Variants in DNAH11 observed in about 807,000 individuals in gnomAD.
DNAH11 encodes axonemal beta dynein heavy chain 11.
In DNAH11, 442 loss-of-function variants were observed where a neutral mutation model predicts 526.0. The observed-to-expected ratio is 0.84, with a 90% confidence interval of 0.78 to 0.91. The LOEUF (loss-of-function observed/expected upper bound fraction) is 0.91. Among genes scored for constraint, DNAH11 ranks in the 40% least tolerant of loss-of-function variants. The pLI is 0.00. For synonymous variants in DNAH11, 2,461 were observed against 1,935.9 expected (o/e 1.27, Z -7.12); for missense variants, 6,989 against 5,448.7 (o/e 1.28, Z -8.90).
In DNAH11 at chr7:21,601,616, G is replaced by A. The variant is rs201197846; in HGVS notation, c.3646G>A (p.Glu1216Lys). 500 of 1,570,618 alleles carry A rather than the reference G, an allele frequency of 3.2e-4. 1 individual carries two copies. The highest frequency in any genetic ancestry group is 4.2e-4 in the Non-Finnish European group (486 of 1,154,298). ...GCCTGAGCAGGTCTATATTCAGCTA[G>A]AGGTAAGTGCAGAGGTGAAATAATC... ...KMPEQVYIQLEELPERWETTK... is the reference protein window; with the variant it reads ...KMPEQVYIQLKELPERWETTK... Residue 1216 changes from glutamate to lysine, a missense_variant and splice_region_variant, in exon 18 of 82, where the codon GAG becomes AAG. Glu to Lys is a moderately conservative substitution (Grantham distance 56). Coordinates refer to ENST00000409508, the MANE Select transcript of DNAH11 (RefSeq NM_001277115.2).
At chr7:21,789,813 T>TTTC (rs1313342996) in intron 61 of DNAH11, among the ~76,000 whole-genome samples, 18 of 85,558 alleles carry the variant, frequency 2.1e-4, no homozygotes, top group African/African-American at 5.6e-4. Flanking sequence ...TTCTTTTTTC[T>TTTC]TTCTTTCTTT....
intron 28 of DNAH11, among the ~76,000 whole-genome samples, chr7:21,653,154 G>T (rs1781860506): frequency 6.6e-6 from 1 of 152,146 alleles, no homozygotes; most frequent in Non-Finnish European, 1.5e-5. Context: ...GGGATTACAG[G>T]TATGAGCCAC....
intron 54 of DNAH11, among the ~76,000 whole-genome samples, chr7:21,756,181 A>G (rs1272107141): frequency 6.6e-6 from 1 of 152,116 alleles, no homozygotes; most frequent in African/African-American, 2.4e-5. Context: ...TTAATTTATA[A>G]TATTTTTAAT....
At chr7:21,886,903 C>T (rs1784143684) in intron 76 of DNAH11, among the ~76,000 whole-genome samples, 1 of 152,188 alleles carries the variant, frequency 6.6e-6, no homozygotes, top group Non-Finnish European at 1.5e-5. Context: ...GGCATCCTCA[C>T]TGGAGAGGTA....
intron 45 of DNAH11, among the ~76,000 whole-genome samples, chr7:21,727,010 C>A (rs144628560): frequency 3.4e-5 from 4 of 117,050 alleles, no homozygotes; most frequent in Non-Finnish European, 4.9e-5. Context: ...CTCGGCTCAC[C>A]GCAAGATCCA....
At chr7:21,828,760 G>GT (rs370526200) in intron 65 of DNAH11, among the ~76,000 whole-genome samples, 14,835 of 131,646 alleles carry the variant, frequency 0.11, 914 homozygotes, top group Non-Finnish European at 0.15. Context: ...ATTTTTCTGG[G>GT]TTTTTTTTTT....
At chr7:21,705,725 C>T (rs927869733) in intron 39 of DNAH11, among the ~76,000 whole-genome samples, 188 bp downstream of exon 39, 11 of 151,888 alleles carry the variant, frequency 7.2e-5, no homozygotes, top group African/African-American at 1.9e-4. Flanking sequence ...ATTGGGTCAG[C>T]GGGGGGAGAA....
intron 68 of DNAH11, among the ~76,000 whole-genome samples, chr7:21,861,351 A>G (rs1783056306): frequency 6.6e-6 from 1 of 152,226 alleles, no homozygotes; most frequent in Non-Finnish European, 1.5e-5. Flanking sequence ...TTACGTGAAG[A>G]GAATCTGTAC....
At chr7:21,707,298 A>G (rs1473087795) in intron 39 of DNAH11, among the ~76,000 whole-genome samples, 1 of 152,212 alleles carries the variant, frequency 6.6e-6, no homozygotes, top group Non-Finnish European at 1.5e-5. Flanking sequence ...TCTGTATTTT[A>G]ATACCCTCCA....
Position 21,573,757 on chromosome 7 carries a change from A to G in DNAH11, c.1593+1784A>G, listed in dbSNP as rs1309545773. ...CTGCCCTTCCCCTCCCATTGCATTCACCCCCATGTTCCTGCTCCTGCCCCA... is the reference window on the plus strand; with the variant it reads ...CTGCCCTTCCCCTCCCATTGCATTCGCCCCCATGTTCCTGCTCCTGCCCCA... On this transcript the variant is annotated intron_variant, in intron 8 of 81. Coordinates refer to ENST00000409508, the MANE Select transcript of DNAH11 (RefSeq NM_001277115.2). Among the ~76,000 whole-genome samples, 3 of 151,554 alleles carry G rather than the reference A, an allele frequency of 2.0e-5. 1 individual carries two copies. Among genetic ancestry groups the G allele is most frequent in the Non-Finnish European group, 4.4e-5 (3 of 67,938 alleles).
chr7:21,787,601 A>T lies in DNAH11; in HGVS notation c.9924+18A>T. On this transcript the variant is annotated intron_variant, in intron 60 of 81. Coordinates refer to ENST00000409508, the MANE Select transcript of DNAH11 (RefSeq NM_001277115.2). The stretch of plus-strand genomic sequence containing the variant: ...TCTATGAGGTATCAATCCTAAATTG[A>T]TTGTTTACAGATGTTCTCCACAAAG... The T allele has an allele frequency of 6.3e-7, 1 of 1,586,844 alleles. No individual in the cohort carries two copies. Among genetic ancestry groups the T allele is most frequent in the Non-Finnish European group, 8.6e-7 (1 of 1,165,886 alleles).
At chr7:21,855,142 C>G (rs1177634121) in intron 68 of DNAH11, among the ~76,000 whole-genome samples, 1 of 150,494 alleles carries the variant, frequency 6.6e-6, no homozygotes, top group Admixed American at 6.6e-5. Flanking sequence ...CTCCATTCTC[C>G]TGCCTCAGCC....
chr7:21,780,437 C>G (rs75273231), intron 57 of DNAH11, among the ~76,000 whole-genome samples: 1,916 of 152,268 alleles, frequency 0.013, 36 homozygotes, highest in African/African-American at 0.043. Flanking sequence ...TTAGGTATCA[C>G]ACATGATACA....
intron 23 of DNAH11, among the ~76,000 whole-genome samples, chr7:21,618,871 G>C (rs1040435454): frequency 3.3e-5 from 5 of 152,186 alleles, no homozygotes; most frequent in African/African-American, 1.2e-4. Context: ...AAAGAAAATA[G>C]TGTAGCACGG....
At chr7:21,562,110 T>G (rs1583482856) in intron 5 of DNAH11, among the ~76,000 whole-genome samples, 1 of 152,330 alleles carries the variant, frequency 6.6e-6, no homozygotes, top group East Asian at 1.9e-4. Context: ...AGCCTCTGGT[T>G]TTTCATTGGC....
intron 61 of DNAH11, among the ~76,000 whole-genome samples, chr7:21,796,889 T>A (rs1419490695): frequency 6.6e-6 from 1 of 152,138 alleles, no homozygotes. Flanking sequence ...AACTGTTAGT[T>A]GTTATTTTTT....
At chr7:21,772,879 G>A (rs1787498377) in intron 55 of DNAH11, among the ~76,000 whole-genome samples, 1 of 152,108 alleles carries the variant, frequency 6.6e-6, no homozygotes, top group Admixed American at 6.6e-5. Flanking sequence ...AATGGTGCAG[G>A]TTTGAAATGT....
chr7:21,650,998 A>G (rs1478718282), intron 28 of DNAH11, among the ~76,000 whole-genome samples: 1 of 151,814 alleles, frequency 6.6e-6, no homozygotes, highest in Non-Finnish European at 1.5e-5. Context: ...ATTTTGACAC[A>G]TTGACTTAAG....
At chr7:21,769,622 C>T (rs991410983) in intron 55 of DNAH11, among the ~76,000 whole-genome samples, 4 of 151,874 alleles carry the variant, frequency 2.6e-5, no homozygotes, top group African/African-American at 9.7e-5. Flanking sequence ...GTAGCTGGGA[C>T]CACAGGTGCA....
Sources: gnomAD v4.1 joint callset for allele counts (sites outside exome capture counted in the v4.1 genomes callset) on GRCh38, gnomAD v4.1.1 for gene constraint, MANE v1.5 for transcripts, NCBI Gene and HGNC (gene_info 2026-07-23, HGNC 2026-07-21) for gene names.